TBCD: variants seen among roughly 807,000 people sequenced by gnomAD.
TBCD encodes tubulin-specific chaperone D.
Under a neutral mutation model 169.3 loss-of-function variants are expected in TBCD, and 105 were observed. The ratio of observed to expected loss-of-function variants is 0.62; its 90% CI spans 0.53 to 0.73. The LOEUF is 0.73. Among genes scored for constraint, TBCD ranks in the 30% least tolerant of loss-of-function variants. TBCD has a pLI of 0.00. For synonymous variants in TBCD, 700 were observed against 643.9 expected, an observed-to-expected ratio of 1.09 and a Z score of -1.32; for missense variants, 1,444 against 1,600.1, an observed-to-expected ratio of 0.90 and a Z score of 1.66.
At chr17:82,767,879 C>T (rs1393359355) in intron 4 of TBCD, among the ~76,000 whole-genome samples, 4 of 151,674 alleles carry the variant, frequency 2.6e-5, no homozygotes, top group South Asian at 2.1e-4. Flanking sequence ...GGCGTGAACC[C>T]GGAAGGTGGA....
chr17:82,825,016 T>C (rs1320864334), intron 13 of TBCD, among the ~76,000 whole-genome samples: 3 of 152,210 alleles, frequency 2.0e-5, no homozygotes, highest in Non-Finnish European at 4.4e-5. Flanking sequence ...CTTATCCTGG[T>C]TGCAATGGGT....
chr17:82,764,365 C>A (rs1249038747), intron 3 of TBCD, among the ~76,000 whole-genome samples: 1 of 152,174 alleles, frequency 6.6e-6, no homozygotes, highest in African/African-American at 2.4e-5. Context: ...AGAAAGCAGG[C>A]CGGGTGCGGT....
chr17:82,927,095 C>T (rs2061822941), intron 28 of TBCD, 91 bp from the exon 29 acceptor site: 2 of 1,569,118 alleles, frequency 1.3e-6, no homozygotes, highest in Admixed American at 3.5e-5. Flanking sequence ...AGCGTGTCTT[C>T]TCAGGATCAG....
chr17:82,803,522 A>G (rs1380773723), intron 9 of TBCD, among the ~76,000 whole-genome samples: 1 of 151,946 alleles, frequency 6.6e-6, no homozygotes, highest in Non-Finnish European at 1.5e-5. Context: ...TCTCCCCAAC[A>G]TCCTCTCCCC....
intron 14 of TBCD, among the ~76,000 whole-genome samples, chr17:82,883,767 C>T (rs781416605): frequency 2.0e-5 from 3 of 152,258 alleles, no homozygotes; most frequent in Non-Finnish European, 4.4e-5. Context: ...TCTCGTCCTC[C>T]AGGGCACTCC....
At chr17:82,921,599 C>G in intron 25 of TBCD, 22 bp downstream of exon 25, 2 of 1,611,738 alleles carry the variant, frequency 1.2e-6, no homozygotes, top group South Asian at 2.2e-5. Flanking sequence ...ATGGGCGTTC[C>G]CGGCCGGCGC....
At chr17:82,859,807 C>G (rs1468747835) in intron 13 of TBCD, 2 of 985,346 alleles carry the variant, frequency 2.0e-6, no homozygotes, top group African/African-American at 3.5e-5. Context: ...CTGTTCATGG[C>G]AGTGACCCAG....
chr17:82,821,917 AT>A (rs2052443971), intron 13 of TBCD, among the ~76,000 whole-genome samples: 1 of 152,250 alleles, frequency 6.6e-6, no homozygotes, highest in African/African-American at 2.4e-5. Context: ...TTTAATAAAC[AT>A]TAAATTTTTA....
chr17:82,812,577 G>A (rs963638595), intron 12 of TBCD, among the ~76,000 whole-genome samples: 2 of 152,158 alleles, frequency 1.3e-5, no homozygotes, highest in South Asian at 2.1e-4. Flanking sequence ...ATGGAGTCTC[G>A]CTCTGTCGCC....
rs750174086 is a variant in TBCD at position 82,756,166 on chromosome 17, A to T, written c.186A>T (p.Val62=). ...EREVALERFR[V]IMDKYQEQPH... ...TTTTCATGTTATATTTGTTTTTAGT[A>T]ATAATGGACAAATACCAGGAGCAGC... is the stretch of plus-strand genomic sequence containing the variant. Residue 62 remains valine (V), a splice_region_variant and synonymous_variant, in exon 2 of 39, where the codon GTA becomes GTT. Coordinates refer to ENST00000355528, the MANE Select transcript of TBCD (RefSeq NM_005993.5). The T allele has an allele frequency of 6.2e-7, 1 of 1,607,024 alleles. No homozygotes were observed. The highest frequency in any genetic ancestry group is 1.7e-5 in the Admixed American group (1 of 59,118).
chr17:82,929,100 T>G lies in TBCD; in HGVS notation c.2694-13T>G, dbSNP rs1459424636. The G allele has an allele frequency of 6.2e-7, 1 of 1,603,638 alleles. No homozygotes were observed. On this transcript the variant is annotated splice_polypyrimidine_tract_variant and intron_variant, in intron 30 of 38. Coordinates refer to ENST00000355528, the MANE Select transcript of TBCD (RefSeq NM_005993.5). ...CGCCCGCCCTTGGTTTACCTCCTGC[T>G]CTCGGTTTGCAGCTGTGAGCGCATC...
intron 13 of TBCD, chr17:82,865,614 C>G (rs527940582): frequency 1.1e-6 from 1 of 869,860 alleles, no homozygotes; most frequent in Non-Finnish European, 1.4e-6. Flanking sequence ...GCGATGCGGT[C>G]TGCACCAGCT....
At chr17:82,830,583 A>G in intron 13 of TBCD, 9 of 1,614,060 alleles carry the variant, frequency 5.6e-6, no homozygotes, top group Non-Finnish European at 7.6e-6. Flanking sequence ...CAGCAGCAGC[A>G]GGTTCTGCAG....
chr17:82,811,531 TC>T (rs1229014406), intron 12 of TBCD, among the ~76,000 whole-genome samples: 1 of 152,210 alleles, frequency 6.6e-6, no homozygotes, highest in Admixed American at 6.5e-5. Context: ...AGGGCCTTCA[TC>T]CCAAAGTAGC....
chr17:82,870,200 G>A (rs748373763), intron 13 of TBCD, 24 bp from the exon 14 acceptor site: 24 of 1,611,994 alleles, frequency 1.5e-5, no homozygotes, highest in South Asian at 7.7e-5. Context: ...GCTCCTCACC[G>A]TCTTTTCTCT....
At chr17:82,876,789 T>C (rs1284305919) in intron 14 of TBCD, among the ~76,000 whole-genome samples, 2 of 152,230 alleles carry the variant, frequency 1.3e-5, no homozygotes, top group Admixed American at 1.3e-4. Flanking sequence ...AGGAGCCAGC[T>C]TCGTTGAAGT....
At position 82,782,782 on chromosome 17, in the gene TBCD, T is replaced by G. The variant is rs1767020588; in HGVS notation, c.771+1061T>G. ...TTGTCTTCCTATCCGCGGCGTTGTC[T>G]TCCTGTCTGTGGCGTCGTCCTGTCT... On this transcript the variant is annotated intron_variant, in intron 7 of 38. Transcript: ENST00000355528. The surrounding 1 kb of genome is among the most constrained non-coding windows in gnomAD (Gnocchi z 5.1). Among the ~76,000 whole-genome samples the G allele has an allele frequency of 6.6e-6, 1 of 150,386 alleles. No homozygotes were observed. Among genetic ancestry groups the G allele is most frequent in the African/African-American group, 2.5e-5 (1 of 40,548 alleles).
In TBCD at chr17:82,923,396, CAG is replaced by C. The variant is rs937701859; in HGVS notation, c.2179-255_2179-254del. On this transcript the variant is annotated intron_variant, in intron 25 of 38. Transcript: ENST00000355528. This position sits in a 1 kb window ranked among gnomAD's most constrained non-coding sequence, Gnocchi z 4.6. Reference sequence around the variant, plus strand: ...GAAAGTCATTGCTGTGCCGAGATCTCAGGGTGACCCGCTGTGTCCCTGGTCAG... The same window carrying C: ...GAAAGTCATTGCTGTGCCGAGATCTCGGTGACCCGCTGTGTCCCTGGTCAG... Among the ~76,000 whole-genome samples, 5 of 152,168 alleles carry C rather than the reference CAG, an allele frequency of 3.3e-5. No individual in the cohort carries two copies. Among genetic ancestry groups the C allele is most frequent in the African/African-American group, 1.2e-4 (5 of 41,428 alleles).
intron 1 of TBCD, among the ~76,000 whole-genome samples, chr17:82,752,981 GTAC>G (rs1168831480): frequency 6.6e-6 from 1 of 152,118 alleles, no homozygotes; most frequent in Non-Finnish European, 1.5e-5. Context: ...TGGGGTGTAG[GTAC>G]CCCTGTGGAG....
Sources: allele counts gnomAD v4.1 joint callset (sites outside exome capture counted in the v4.1 genomes callset), GRCh38; gene constraint gnomAD v4.1.1; non-coding constraint Gnocchi (gnomAD v3.1); transcripts MANE v1.5; gene names NCBI Gene and HGNC (gene_info 2026-07-23, HGNC 2026-07-21).